Variants in SCHIP1 observed in about 807,000 individuals in gnomAD.
SCHIP1 encodes schwannomin interacting protein 1, also known as schwannomin-interacting protein 1.
Under a neutral mutation model 29.7 loss-of-function variants are expected in SCHIP1, and 8 were observed. The ratio of observed to expected loss-of-function variants is 0.27; its 90% CI spans 0.16 to 0.49. The LOEUF is 0.49. Among genes scored for constraint, SCHIP1 ranks in the 20% least tolerant of loss-of-function variants. The pLI is 0.99. For missense variants in SCHIP1, 193 were observed against 294.6 expected, an observed-to-expected ratio of 0.66 and a Z score of 2.52; for synonymous variants, 76 against 94.9, an observed-to-expected ratio of 0.80 and a Z score of 1.16.
the SCHIP1 span, among the ~76,000 whole-genome samples, chr3:159,476,593 A>G: frequency 6.6e-6 from 1 of 152,186 alleles, no homozygotes; most frequent in East Asian, 1.9e-4. Flanking sequence ...ACAAAGCACA[A>G]TAAAAACTAG....
intron 1 of SCHIP1, among the ~76,000 whole-genome samples, chr3:159,858,920 G>A (rs1713720724): frequency 6.6e-6 from 1 of 152,226 alleles, no homozygotes; most frequent in Admixed American, 6.5e-5. Flanking sequence ...AATTTCAACA[G>A]CATTTCGGGA....
At chr3:159,477,482 A>T in the SCHIP1 span, among the ~76,000 whole-genome samples, 21,096 of 152,108 alleles carry the variant, frequency 0.14, 1,532 homozygotes, top group Middle Eastern at 0.16. Context: ...CTATTCTAAC[A>T]GGTGTGAGAT....
At chr3:159,273,421 C>G in the SCHIP1 span, 2 of 1,014,922 alleles carry the variant, frequency 2.0e-6, no homozygotes, top group Non-Finnish European at 2.4e-6. Flanking sequence ...CAGATGATAG[C>G]ATGAAGTGAA....
chr3:159,610,268 G>A, the SCHIP1 span, among the ~76,000 whole-genome samples: 20 of 152,228 alleles, frequency 1.3e-4, no homozygotes, highest in African/African-American at 4.6e-4. Flanking sequence ...GTAAATAGCA[G>A]CAAACGATAT....
chr3:159,816,074 A>G, the SCHIP1 span, among the ~76,000 whole-genome samples: 3 of 151,838 alleles, frequency 2.0e-5, no homozygotes, highest in Non-Finnish European at 1.5e-5. Context: ...TCAGCCTCCC[A>G]AGTAGTTGAG....
chr3:159,468,445 TCA>T, the SCHIP1 span, among the ~76,000 whole-genome samples: 7 of 152,098 alleles, frequency 4.6e-5, no homozygotes, highest in South Asian at 6.2e-4. Context: ...ATGCAACCAT[TCA>T]CAGAGTGATT....
At chr3:159,429,329 G>T in the SCHIP1 span, among the ~76,000 whole-genome samples, 3 of 151,328 alleles carry the variant, frequency 2.0e-5, no homozygotes, top group African/African-American at 4.9e-5. Flanking sequence ...CCCCTACTTC[G>T]TGCTATGAAG....
chr3:159,722,580 ATATT>A, the SCHIP1 span, among the ~76,000 whole-genome samples: 23 of 152,144 alleles, frequency 1.5e-4, no homozygotes, highest in South Asian at 3.9e-3. Flanking sequence ...TTGAGACGCA[ATATT>A]TTGTGTGTGT....
At chr3:159,475,721 A>G in the SCHIP1 span, among the ~76,000 whole-genome samples, 2 of 152,130 alleles carry the variant, frequency 1.3e-5, no homozygotes, top group Non-Finnish European at 2.9e-5. Context: ...TAAATTTTTC[A>G]TATATATGAT....
At chr3:159,520,313 G>A in the SCHIP1 span, among the ~76,000 whole-genome samples, 1 of 152,052 alleles carries the variant, frequency 6.6e-6, no homozygotes, top group African/African-American at 2.4e-5. Flanking sequence ...AGGCAGGACC[G>A]GAGCTTCCCG....
the SCHIP1 span, among the ~76,000 whole-genome samples, chr3:159,488,139 T>C: frequency 1.3e-5 from 2 of 151,662 alleles, no homozygotes; most frequent in African/African-American, 4.8e-5. Flanking sequence ...GAGCAAAAAA[T>C]CGAAACAAAT....
the SCHIP1 span, among the ~76,000 whole-genome samples, chr3:159,733,330 A>C: frequency 6.6e-6 from 1 of 152,302 alleles, no homozygotes; most frequent in East Asian, 1.9e-4. Context: ...TTTCTCTCTA[A>C]GATTGAGATG....
At chr3:159,554,444 G>C in the SCHIP1 span, among the ~76,000 whole-genome samples, 24 of 152,134 alleles carry the variant, frequency 1.6e-4, no homozygotes, top group Non-Finnish European at 3.1e-4. Flanking sequence ...CCCCTGCTTT[G>C]CTAGGGTGCC....
At chr3:159,633,407 T>C in the SCHIP1 span, among the ~76,000 whole-genome samples, 3 of 151,884 alleles carry the variant, frequency 2.0e-5, no homozygotes, top group Non-Finnish European at 4.4e-5. Context: ...CCCGGCACAA[T>C]AAATGGAGGT....
chr3:159,362,834 A>T, the SCHIP1 span, among the ~76,000 whole-genome samples: 1 of 152,142 alleles, frequency 6.6e-6, no homozygotes, highest in African/African-American at 2.4e-5. Context: ...GCCCCTGAAG[A>T]CTGGTCACTT....
At chr3:159,823,461 A>AGT in the SCHIP1 span, among the ~76,000 whole-genome samples, 1 of 152,148 alleles carries the variant, frequency 6.6e-6, no homozygotes, top group African/African-American at 2.4e-5. Flanking sequence ...CCTCTTCTGT[A>AGT]GTGTGGAGTT....
At chr3:159,276,479 A>G in the SCHIP1 span, among the ~76,000 whole-genome samples, 1 of 152,160 alleles carries the variant, frequency 6.6e-6, no homozygotes, top group Non-Finnish European at 1.5e-5. Flanking sequence ...TAGATTGATG[A>G]TTCATCATAA....
chr3:159,435,708 A>G, the SCHIP1 span, among the ~76,000 whole-genome samples: 65 of 152,272 alleles, frequency 4.3e-4, no homozygotes, highest in East Asian at 0.012. Context: ...CACGCTAATA[A>G]GACCATGTTT....
the SCHIP1 span, among the ~76,000 whole-genome samples, chr3:159,553,481 TTAAG>T: frequency 1.3e-5 from 2 of 152,250 alleles, no homozygotes; most frequent in African/African-American, 4.8e-5. Context: ...CTGCTCATTA[TTAAG>T]TTACTCTAGA....
Sources: gnomAD v4.1 joint callset for allele counts (sites outside exome capture counted in the v4.1 genomes callset) on GRCh38, gnomAD v4.1.1 for gene constraint, MANE v1.5 for transcripts, NCBI Gene and HGNC (gene_info 2026-07-23, HGNC 2026-07-21) for gene names.